Variants in UMOD observed in about 807,000 individuals in gnomAD.
UMOD encodes the protein Tamm-Horsfall urinary glycoprotein.
A neutral mutation model predicts 66.0 loss-of-function variants in UMOD; 64 were observed. That is an observed-to-expected ratio of 0.97 (90% CI 0.79 to 1.19). The LOEUF (loss-of-function observed/expected upper bound fraction) is 1.19, where lower values mean the gene tolerates loss of function less well. Ranked by LOEUF, UMOD falls within the 50% of genes most tolerant of loss-of-function variation. The pLI is 0.00. For missense variants in UMOD, 764 were observed against 850.9 expected (o/e 0.90, Z 1.27); for synonymous variants, 398 against 352.7 (o/e 1.13, Z -1.44).
intron 1 of UMOD, 24 bp downstream of exon 1, chr16:20,352,665 G>A: frequency 6.5e-6 from 8 of 1,231,552 alleles, no homozygotes; most frequent in Non-Finnish European, 8.1e-6. Context: ...TGGGCTAGGA[G>A]AAGACAGCTA....
At chr16:20,344,201 G>A in intron 5 of UMOD, 29 bp from the exon 6 acceptor site, 1 of 1,473,030 alleles carries the variant, frequency 6.8e-7, no homozygotes, top group Non-Finnish European at 9.4e-7. Context: ...GTGGAGGGGG[G>A]GTGGGGATGA....
chr16:20,349,818 C>G, intron 2 of UMOD: 1 of 1,550,208 alleles, frequency 6.5e-7, no homozygotes, highest in Non-Finnish European at 8.7e-7. Context: ...AGTGTCGCCT[C>G]CTCTCTGCGG....
chr16:20,351,996 T>C (rs1001893750), intron 1 of UMOD, among the ~76,000 whole-genome samples: 1 of 139,044 alleles, frequency 7.2e-6, no homozygotes, highest in Non-Finnish European at 1.5e-5. Flanking sequence ...CCTGCCTGGG[T>C]GACAGAGAGT....
At chr16:20,355,403 C>T (rs962578813), upstream of UMOD, among the ~76,000 whole-genome samples, 1 of 146,670 alleles carries the variant, frequency 6.8e-6, no homozygotes, top group Non-Finnish European at 1.5e-5. Context: ...CTTTCTTTTT[C>T]TTCTTCTTTT....
At chr16:20,352,658 G>A (rs1965953719) in intron 1 of UMOD, 31 bp downstream of exon 1, 38 of 1,231,018 alleles carry the variant, frequency 3.1e-5, no homozygotes, top group Non-Finnish European at 3.6e-5. Flanking sequence ...GAGAAGCTGG[G>A]CTAGGAGAAG....
At chr16:20,334,632 G>T (rs951354153) in intron 10 of UMOD, among the ~76,000 whole-genome samples, 1 of 152,076 alleles carries the variant, frequency 6.6e-6, no homozygotes, top group Non-Finnish European at 1.5e-5. Context: ...CATGTGTACA[G>T]CCCTAAGTCC....
At chr16:20,333,822 T>C (rs1964721822) in intron 10 of UMOD, among the ~76,000 whole-genome samples, 1 of 151,894 alleles carries the variant, frequency 6.6e-6, no homozygotes, top group Non-Finnish European at 1.5e-5. Flanking sequence ...TCTCCTGAGG[T>C]CAAGAGTTCA....
chr16:20,350,515 A>G, intron 2 of UMOD, 135 bp downstream of exon 2: 2 of 1,194,118 alleles, frequency 1.7e-6, no homozygotes, highest in Non-Finnish European at 2.4e-6. Flanking sequence ...ATGGACTTAG[A>G]ATGAAGACAA....
In UMOD at chr16:20,350,744, T is replaced by G. The variant is rs1245713196; in HGVS notation, c.-7A>C. 1.9e-6 allele frequency: 3 copies of G among 1,614,058 alleles called. No homozygotes were observed. The East Asian group carries it at 6.7e-5, about 36-fold the overall frequency. On this transcript the variant is annotated 5_prime_UTR_variant, in exon 2 of 11. Coordinates refer to ENST00000396138, the MANE Select transcript of UMOD (RefSeq NM_003361.4). ...TCAGAGATGGCTGCCCCATCCTTTC[T>G]GCTCTTCCCGCTACTTCAGGTCTAG...
intron 4 of UMOD, 50 bp from the exon 5 acceptor site, chr16:20,346,384 C>T: frequency 1.0e-5 from 16 of 1,595,396 alleles, no homozygotes; most frequent in Non-Finnish European, 1.4e-5. Flanking sequence ...GCTTGGGGGC[C>T]CAGCACATCC....
At chr16:20,349,626 T>G in intron 2 of UMOD, 1 of 1,424,548 alleles carries the variant, frequency 7.0e-7, no homozygotes, top group Middle Eastern at 1.8e-4. Flanking sequence ...CCACCATTCA[T>G]TTTTTGTGTT....
At chr16:20,351,599 T>C (rs776441201) in intron 1 of UMOD, among the ~76,000 whole-genome samples, 12 of 152,186 alleles carry the variant, frequency 7.9e-5, no homozygotes, top group Admixed American at 2.0e-4. Context: ...GAAATGGAGA[T>C]TGTTGCTTTC....
At chr16:20,347,578 T>C (rs1357415197) in intron 4 of UMOD, among the ~76,000 whole-genome samples, 1 of 152,186 alleles carries the variant, frequency 6.6e-6, no homozygotes, top group East Asian at 1.9e-4. Flanking sequence ...CACAGACAGA[T>C]GAAGTCCTGA....
chr16:20,349,175 C>T lies in UMOD; in HGVS notation c.126G>A (p.Thr42=), dbSNP rs368399167. 1.9e-5 allele frequency: 30 copies of T among 1,613,898 alleles called. No individual in the cohort carries two copies. Among genetic ancestry groups the T allele is most frequent in the African/African-American group, 1.5e-4 (11 of 74,954 alleles). The change falls in exon 3 of 11, where the codon ACG becomes ACA. Residue 42 remains threonine (T), a synonymous_variant. Coordinates refer to ENST00000396138, the MANE Select transcript of UMOD (RefSeq NM_003361.4). The part of the protein sequence containing the change: ...CSECHSNATC[T]EDEAVTTCTC... ...TGCACGTCGTAACGGCCTCATCCTC[C>T]GTGCAGGTGGCATTGCTGTGACATT...
Position 20,333,342 on chromosome 16 carries a change from G to T in UMOD, c.1895C>A (p.Ser632Ter). The T allele has an allele frequency of 6.2e-7, 1 of 1,613,264 alleles. No individual in the cohort carries two copies. Among genetic ancestry groups the T allele is most frequent in the Non-Finnish European group, 8.5e-7 (1 of 1,179,738 alleles). ...CTGAAAAGTCAGGGTCAAGGTGGCC[G>T]AGAGAAGCAGAGGCAGCCAGACTTT... ...LLKVWLPLLL[S>*]ATLTLTFQ Residue 632 changes from serine (S) to a stop codon, truncating the protein, a stop_gained, in exon 11 of 11, where the codon TCG becomes TAG. Coordinates refer to ENST00000396138, the MANE Select transcript of UMOD (RefSeq NM_003361.4). LOFTEE classifies it high-confidence loss of function.
At chr16:20,334,732 G>A (rs982364443) in intron 10 of UMOD, among the ~76,000 whole-genome samples, 1 of 151,500 alleles carries the variant, frequency 6.6e-6, no homozygotes, top group African/African-American at 2.4e-5. Context: ...GGGAGTTAGA[G>A]GAGCAAAGAA....
intron 7 of UMOD, among the ~76,000 whole-genome samples, chr16:20,338,617 T>C (rs374598609): frequency 1.0e-4 from 15 of 149,122 alleles, no homozygotes; most frequent in African/African-American, 3.2e-4. Flanking sequence ...TCTCAGCCTC[T>C]TGAGTAGCTA....
At chr16:20,355,621 A>G (rs961639082), upstream of UMOD, among the ~76,000 whole-genome samples, 2 of 151,834 alleles carry the variant, frequency 1.3e-5, no homozygotes, top group Non-Finnish European at 2.9e-5. Context: ...GCTGGTCTCG[A>G]ACTCCTGACC....
chr16:20,350,581 GC>G, intron 2 of UMOD, 68 bp downstream of exon 2: 1 of 1,578,392 alleles, frequency 6.3e-7, no homozygotes, highest in Non-Finnish European at 8.7e-7. Flanking sequence ...GTGCTACATT[GC>G]TTCCCCCACA....
Sources: gnomAD v4.1 joint callset for allele counts (sites outside exome capture counted in the v4.1 genomes callset) on GRCh38, gnomAD v4.1.1 for gene constraint, MANE v1.5 for transcripts, NCBI Gene and HGNC (gene_info 2026-07-23, HGNC 2026-07-21) for gene names.